CDK6: variants seen among roughly 807,000 people sequenced by gnomAD.
CDK6 encodes the protein cyclin dependent kinase 6.
Under a neutral mutation model 37.1 loss-of-function variants are expected in CDK6, and 6 were observed. The ratio of observed to expected loss-of-function variants is 0.16; its 90% CI spans 0.09 to 0.32. The LOEUF (loss-of-function observed/expected upper bound fraction) is 0.32. Ranked by LOEUF, CDK6 falls within the 10% of genes least tolerant of loss-of-function variation. The pLI is 1.00. For synonymous variants in CDK6, 160 were observed against 161.3 expected (o/e 0.99, Z 0.06); for missense variants, 224 against 418.9 (o/e 0.53, Z 4.06).
chr7:92,742,006 T>C (rs908045155), intron 3 of CDK6, among the ~76,000 whole-genome samples: 1 of 152,152 alleles, frequency 6.6e-6, no homozygotes, highest in Non-Finnish European at 1.5e-5. Context: ...ATAAAATTAT[T>C]GGAAAAGTAA....
At chr7:92,801,411 C>G (rs1800571285) in intron 2 of CDK6, among the ~76,000 whole-genome samples, 1 of 152,168 alleles carries the variant, frequency 6.6e-6, no homozygotes. Flanking sequence ...CTCTCTCTCT[C>G]TCTCTATCTG....
intron 5 of CDK6, among the ~76,000 whole-genome samples, chr7:92,665,205 G>A (rs1233600032): frequency 6.6e-6 from 1 of 152,062 alleles, no homozygotes; most frequent in Non-Finnish European, 1.5e-5. Flanking sequence ...GATACCTGGG[G>A]AGTTAATACT....
Position 92,647,182 on chromosome 7 carries a change from CA to C in CDK6, c.648-24097del, listed in dbSNP as rs1403909935. Reference sequence around the variant, plus strand: ...CATGCTCTGTTAGGTACTAGTTATACAGTGGTGAGTAAAATAGAGAGGGTCT... The same window carrying C: ...CATGCTCTGTTAGGTACTAGTTATACGTGGTGAGTAAAATAGAGAGGGTCT... On this transcript the variant is annotated intron_variant, in intron 5 of 7. Transcript: ENST00000424848. Among the ~76,000 whole-genome samples the C allele has an allele frequency of 2.6e-5, 4 of 152,094 alleles. No individual in the cohort carries two copies. In the South Asian group the frequency reaches 6.2e-4, roughly 24 times the overall value.
intron 3 of CDK6, among the ~76,000 whole-genome samples, chr7:92,735,788 A>G (rs947424103): frequency 2.0e-5 from 3 of 152,210 alleles, no homozygotes; most frequent in African/African-American, 7.2e-5. Context: ...TACAGGAGTT[A>G]TAGAACATTC....
At chr7:92,659,937 T>C (rs1009053108) in intron 5 of CDK6, among the ~76,000 whole-genome samples, 15 of 152,100 alleles carry the variant, frequency 9.9e-5, no homozygotes, top group Non-Finnish European at 2.1e-4. Flanking sequence ...TGATTAAAGC[T>C]GAGTGTGGGA....
At chr7:92,625,435 T>C (rs1227313510) in intron 5 of CDK6, among the ~76,000 whole-genome samples, 1 of 151,752 alleles carries the variant, frequency 6.6e-6, no homozygotes, top group African/African-American at 2.4e-5. Context: ...CTTACAACTT[T>C]ATCAAGAAAA....
At chr7:92,641,312 T>G (rs180886091) in intron 5 of CDK6, among the ~76,000 whole-genome samples, 10 of 152,332 alleles carry the variant, frequency 6.6e-5, no homozygotes, top group Non-Finnish European at 1.5e-5. Flanking sequence ...GTCAGTCTAC[T>G]GTAAGACAAA....
rs1277716465 is a variant in CDK6, at chr7:92,609,005, G to T, written c.*6135C>A. The T allele has an allele frequency of 1.7e-5, 4 of 233,160 alleles. No homozygotes were observed. The East Asian group carries it at 2.4e-4, about 14-fold the overall frequency. 14.4% of individuals were successfully genotyped at this position (233,160 alleles called of 1,614,324 possible). ...GTGGAATTCGGCCTTTCGCATAGGG[G>T]CTTTAACTGGACTCTAGTTCCTGGG... On this transcript the variant is annotated 3_prime_UTR_variant, in exon 8 of 8. Coordinates refer to ENST00000424848, the MANE Select transcript of CDK6 (RefSeq NM_001145306.2).
At chr7:92,615,447 T>C (rs1329976066) in intron 7 of CDK6, among the ~76,000 whole-genome samples, 161 bp from the exon 8 acceptor site, 2 of 152,206 alleles carry the variant, frequency 1.3e-5, no homozygotes, top group Non-Finnish European at 2.9e-5. Context: ...ACAGTACTCA[T>C]ATATATCCCT....
chr7:92,718,309 G>A (rs775314032), intron 4 of CDK6, among the ~76,000 whole-genome samples: 6 of 152,108 alleles, frequency 3.9e-5, no homozygotes, highest in Non-Finnish European at 7.4e-5. Flanking sequence ...CCGAGGCGAC[G>A]GGGCTTTGGG....
At chr7:92,706,721 A>G (rs1797976096) in intron 4 of CDK6, among the ~76,000 whole-genome samples, 1 of 152,174 alleles carries the variant, frequency 6.6e-6, no homozygotes, top group Non-Finnish European at 1.5e-5. Context: ...GAGATCTCAC[A>G]CTGAGATATG....
chr7:92,627,831 G>A (rs1163010812), intron 5 of CDK6, among the ~76,000 whole-genome samples: 1 of 151,878 alleles, frequency 6.6e-6, no homozygotes, highest in Non-Finnish European at 1.5e-5. Context: ...AAAAAAGGTG[G>A]TTAAGAAATT....
rs372255602 is a variant in CDK6 at position 92,829,518 on chromosome 7, GGA to G, written c.233+3571_233+3572del. Among the ~76,000 whole-genome samples the G allele has an allele frequency of 8.1e-4, 123 of 152,288 alleles. No homozygotes were observed. In the East Asian group the frequency reaches 0.022, roughly 27 times the overall value. Reference sequence around the variant, plus strand: ...TTCAAACATGGGAAGAACTGCTTCAGGAGAGTAGCTAGGTATGATTTACCCTG... The same window carrying G: ...TTCAAACATGGGAAGAACTGCTTCAGGAGTAGCTAGGTATGATTTACCCTG... On this transcript the variant is annotated intron_variant, in intron 2 of 7. Transcript: ENST00000424848.
chr7:92,667,350 A>G (rs1796979364), intron 5 of CDK6, among the ~76,000 whole-genome samples: 1 of 151,734 alleles, frequency 6.6e-6, no homozygotes, highest in Non-Finnish European at 1.5e-5. Flanking sequence ...GATGTGTGCT[A>G]CCATGTTCAG....
At chr7:92,670,795 C>A (rs938250635) in intron 5 of CDK6, among the ~76,000 whole-genome samples, 2 of 152,208 alleles carry the variant, frequency 1.3e-5, no homozygotes, top group African/African-American at 4.8e-5. Flanking sequence ...TCTCACAAAC[C>A]CCAATCCACT....
At chr7:92,684,223 G>A (rs1656818591) in intron 4 of CDK6, among the ~76,000 whole-genome samples, 1 of 152,122 alleles carries the variant, frequency 6.6e-6, no homozygotes, top group Admixed American at 6.5e-5. Context: ...TTGAACTCAG[G>A]TTCATTCTCC....
intron 3 of CDK6, among the ~76,000 whole-genome samples, chr7:92,740,643 T>C (rs1798899595): frequency 6.6e-6 from 1 of 152,190 alleles, no homozygotes; most frequent in African/African-American, 2.4e-5. Context: ...TCTGCATACA[T>C]TATTTCATTT....
intron 3 of CDK6, among the ~76,000 whole-genome samples, chr7:92,729,981 G>A (rs1274373822): frequency 6.6e-6 from 1 of 152,162 alleles, no homozygotes; most frequent in East Asian, 1.9e-4. Flanking sequence ...CTCGAGCCAT[G>A]AATCCTTCCG....
At chr7:92,683,318 C>G (rs1401995367) in intron 4 of CDK6, among the ~76,000 whole-genome samples, 1 of 152,168 alleles carries the variant, frequency 6.6e-6, no homozygotes, top group Non-Finnish European at 1.5e-5. Flanking sequence ...CTCTAAGGTC[C>G]GTGCCTTCTT....
Sources: allele counts gnomAD v4.1 joint callset (sites outside exome capture counted in the v4.1 genomes callset), GRCh38; gene constraint gnomAD v4.1.1; transcripts MANE v1.5; gene names NCBI Gene and HGNC (gene_info 2026-07-23, HGNC 2026-07-21).